The following OVCH1 variants were observed in gnomAD, a reference collection of about 807,000 sequenced individuals.
OVCH1 encodes the protein ovochymase 1.
A neutral mutation model predicts 138.4 loss-of-function variants in OVCH1; 139 were observed. That is an observed-to-expected ratio of 1.00 (90% confidence interval 0.87 to 1.16). OVCH1 has a LOEUF of 1.16. Ranked by LOEUF, OVCH1 falls within the 50% of genes most tolerant of loss-of-function variation. The probability of loss-of-function intolerance (pLI) is 0.00; values close to 1 mark genes in which losing one functional copy is unlikely to be tolerated. For missense variants in OVCH1, 1,367 were observed against 1,357.9 expected (o/e 1.01, Z -0.11); for synonymous variants, 453 against 467.8 (o/e 0.97, Z 0.41).
intron 4 of OVCH1, among the ~76,000 whole-genome samples, chr12:29,493,452 C>G (rs1374725957): frequency 6.6e-6 from 1 of 152,024 alleles, no homozygotes; most frequent in Admixed American, 6.6e-5. Context: ...ATGATCAATC[C>G]TCAGCCACTT....
chr12:29,485,630 CG>C (rs1943073702), intron 8 of OVCH1, among the ~76,000 whole-genome samples: 1 of 151,876 alleles, frequency 6.6e-6, no homozygotes, highest in African/African-American at 2.4e-5. Flanking sequence ...AAAAATTAGC[CG>C]GGCGTGGTGG....
chr12:29,411,716 G>A (rs74417682), downstream of OVCH1, among the ~76,000 whole-genome samples: 1 of 152,026 alleles, frequency 6.6e-6, no homozygotes, highest in African/African-American at 2.4e-5. Context: ...TGCCCCTACT[G>A]GGGGGTGCCT....
intron 21 of OVCH1, among the ~76,000 whole-genome samples, chr12:29,452,687 G>GA (rs1361887812): frequency 2.6e-5 from 4 of 152,090 alleles, no homozygotes; most frequent in South Asian, 4.1e-4. Context: ...AATCCTCTGT[G>GA]AAAAATCTGA....
chr12:29,409,805 C>T (rs907357336), downstream of OVCH1, among the ~76,000 whole-genome samples: 2 of 152,102 alleles, frequency 1.3e-5, no homozygotes, highest in African/African-American at 4.8e-5. Flanking sequence ...GTGGAGAGTT[C>T]TGTAGATGTC....
At chr12:29,418,506 T>G (rs1421880473) in intron 3 of OVCH1, among the ~76,000 whole-genome samples, 1 of 152,222 alleles carries the variant, frequency 6.6e-6, no homozygotes, top group Non-Finnish European at 1.5e-5. Context: ...TTGAAATAAT[T>G]ATTTAACTTC....
intron 20 of OVCH1, 73 bp from the exon 21 acceptor site, chr12:29,455,006 C>A (rs1941906201): frequency 1.5e-6 from 2 of 1,313,744 alleles, no homozygotes; most frequent in Non-Finnish European, 1.1e-6. Context: ...ACTAAAGCAG[C>A]CACTATCAAA....
downstream of OVCH1, chr12:29,427,436 CTATT>C (rs146994192): frequency 8.2e-7 from 1 of 1,221,476 alleles, no homozygotes; most frequent in South Asian, 1.6e-5. Flanking sequence ...TTAAGGAAGG[CTATT>C]TAGATTGTAT....
chr12:29,467,059 G>A (rs1942345068), intron 16 of OVCH1, among the ~76,000 whole-genome samples: 1 of 151,974 alleles, frequency 6.6e-6, no homozygotes, highest in African/African-American at 2.4e-5. Flanking sequence ...CTTTATTAAC[G>A]GAGCTAACTC....
At chr12:29,412,741 G>A (rs1407337312) in intron 3 of OVCH1, 2 of 152,106 alleles carry the variant, frequency 1.3e-5, no homozygotes, top group African/African-American at 2.4e-5. Context: ...TAAAAAGGAC[G>A]TTAAAGAAAA....
chr12:29,425,032 G>A (rs1941160027), downstream of OVCH1, among the ~76,000 whole-genome samples: 1 of 152,108 alleles, frequency 6.6e-6, no homozygotes, highest in Non-Finnish European at 1.5e-5. Flanking sequence ...TTAGATGGTG[G>A]CTAGGGGGAA....
At chr12:29,475,869 ACAAATAC>A (rs1390467430) in intron 13 of OVCH1, among the ~76,000 whole-genome samples, 2 of 152,222 alleles carry the variant, frequency 1.3e-5, no homozygotes, top group Non-Finnish European at 2.9e-5. Flanking sequence ...TTTCCTGGAC[ACAAATAC>A]CAAAATATCA....
At chr12:29,418,587 A>G (rs1941061835) in intron 3 of OVCH1, among the ~76,000 whole-genome samples, 1 of 152,230 alleles carries the variant, frequency 6.6e-6, no homozygotes, top group Admixed American at 6.5e-5. Context: ...AAAATATAGA[A>G]GAGTTACCCA....
intron 15 of OVCH1, 62 bp from the exon 16 acceptor site, chr12:29,472,044 A>G (rs1430894809): frequency 1.4e-6 from 2 of 1,441,952 alleles, no homozygotes; most frequent in Non-Finnish European, 9.3e-7. Context: ...TACTCCTCCA[A>G]TAGCTTGCCA....
At chr12:29,475,139 T>C in exon 14 of OVCH1, 2 of 1,562,250 alleles carry the variant, frequency 1.3e-6, no homozygotes, top group South Asian at 1.2e-5. Context: ...ATCACCGTCA[T>C]GTTACTAGAA....
chr12:29,488,528 A>C (rs1943178601), intron 6 of OVCH1, among the ~76,000 whole-genome samples: 1 of 148,388 alleles, frequency 6.7e-6, no homozygotes, highest in African/African-American at 2.5e-5. Flanking sequence ...CTGAGGCAGG[A>C]GAATTGCTTG....
chr12:29,482,704 T>A (rs544936389), intron 8 of OVCH1, among the ~76,000 whole-genome samples: 1 of 152,358 alleles, frequency 6.6e-6, no homozygotes, highest in Admixed American at 6.5e-5. Flanking sequence ...TTCAAGAAGT[T>A]TGAGTTTCTA....
intron 14 of OVCH1, 70 bp from the exon 15 acceptor site, chr12:29,473,173 C>A: frequency 9.2e-7 from 1 of 1,092,432 alleles, no homozygotes; most frequent in South Asian, 1.4e-5. Context: ...CTTGCTTACC[C>A]TGGTAAATCA....
chr12:29,444,229 T>C lies in OVCH1; in HGVS notation c.2933A>G (p.His978Arg), dbSNP rs767599820. Residue 978 changes from histidine (H) to arginine (R), a missense_variant, in exon 24 of 28, where the codon CAC becomes CGC. Transcript: ENST00000318184. ...AAGAACATCCTCACAAGGGACCAAG[T>C]GCTCTCTGTTTGAACTTTGGGAAAG... 21 of 1,612,430 alleles carry C rather than the reference T, an allele frequency of 1.3e-5. No homozygotes were observed. In the South Asian group the frequency reaches 2.2e-4, roughly 17 times the overall value.
At chr12:29,493,290 T>G (rs1236293315) in intron 4 of OVCH1, among the ~76,000 whole-genome samples, 6 of 152,180 alleles carry the variant, frequency 3.9e-5, no homozygotes, top group Admixed American at 3.3e-4. Context: ...TAACATTCCG[T>G]TTTTGGTAAT....
Sources: allele counts gnomAD v4.1 joint callset (sites outside exome capture counted in the v4.1 genomes callset), GRCh38; gene constraint gnomAD v4.1.1; transcripts MANE v1.5; gene names NCBI Gene and HGNC (gene_info 2026-07-23, HGNC 2026-07-21).